Variants in KIAA1217 observed in about 807,000 individuals in gnomAD.
KIAA1217 encodes the protein KIAA1217.
Under a neutral mutation model 163.9 loss-of-function variants are expected in KIAA1217, and 88 were observed. The ratio of observed to expected loss-of-function variants is 0.54; its 90% confidence interval spans 0.45 to 0.64. The LOEUF is 0.64. Ranked by LOEUF, KIAA1217 falls within the 30% of genes least tolerant of loss-of-function variation. KIAA1217 has a pLI of 0.00. For missense variants in KIAA1217, 2,372 were observed against 2,475.0 expected (o/e 0.96, Z 0.88); for synonymous variants, 903 against 923.1 (o/e 0.98, Z 0.39).
intron 2 of KIAA1217, among the ~76,000 whole-genome samples, chr10:24,312,929 C>T (rs920963608): frequency 6.6e-6 from 1 of 152,024 alleles, no homozygotes; most frequent in Non-Finnish European, 1.5e-5. Flanking sequence ...CAAACAAAAC[C>T]CTACATATCT....
intron 1 of KIAA1217, among the ~76,000 whole-genome samples, chr10:23,861,933 T>A (rs1839971630): frequency 6.6e-6 from 1 of 152,228 alleles, no homozygotes; most frequent in South Asian, 2.1e-4. Context: ...AAATTGTGTT[T>A]TTTAAAGCTG....
chr10:24,319,300 C>CA lies in KIAA1217; in HGVS notation c.355-61568dup, dbSNP rs2043812876. Among the ~76,000 whole-genome samples, 3 of 146,360 alleles carry CA rather than the reference C, an allele frequency of 2.0e-5. No individual in the cohort carries two copies. In the South Asian group the frequency reaches 6.4e-4, roughly 31 times the overall value. On this transcript the variant is annotated intron_variant, in intron 2 of 20. Coordinates refer to ENST00000376454, the MANE Select transcript of KIAA1217 (RefSeq NM_019590.5). ...CTGAGGCATGAGAATCCCTTGAACC[C>CA]AGGAGGCAGAGGTTGCAGTGAGCTG...
At chr10:23,941,206 A>T (rs1274343299) in intron 1 of KIAA1217, among the ~76,000 whole-genome samples, 2 of 152,248 alleles carry the variant, frequency 1.3e-5, no homozygotes, top group East Asian at 3.8e-4. Context: ...TATATTTGAA[A>T]TTTTTAAAAT....
chr10:23,908,222 G>A (rs1842257253), intron 1 of KIAA1217, among the ~76,000 whole-genome samples: 1 of 152,100 alleles, frequency 6.6e-6, no homozygotes, highest in South Asian at 2.1e-4. Flanking sequence ...GTCAGGACTG[G>A]GTCATGTAGG....
intron 1 of KIAA1217, among the ~76,000 whole-genome samples, chr10:23,775,935 C>T (rs185377378): frequency 4.6e-5 from 7 of 152,294 alleles, no homozygotes; most frequent in Admixed American, 4.6e-4. Context: ...ACTTCTATAA[C>T]TTCTATAACC....
intron 2 of KIAA1217, among the ~76,000 whole-genome samples, chr10:24,378,068 CTTTA>C (rs908769799): frequency 6.6e-6 from 1 of 152,104 alleles, no homozygotes; most frequent in Non-Finnish European, 1.5e-5. Flanking sequence ...TACAGATTCG[CTTTA>C]TTTTTTTTCT....
At chr10:23,936,803 C>G (rs1362363707) in intron 1 of KIAA1217, among the ~76,000 whole-genome samples, 1 of 152,190 alleles carries the variant, frequency 6.6e-6, no homozygotes, top group Non-Finnish European at 1.5e-5. Context: ...TTTGTTATGG[C>G]AGCCCCAGGA....
chr10:24,257,041 T>C (rs576188671), intron 2 of KIAA1217, among the ~76,000 whole-genome samples: 3 of 152,130 alleles, frequency 2.0e-5, no homozygotes, highest in Admixed American at 6.6e-5. Context: ...AACAAGATGG[T>C]CAGGAAAACA....
intron 3 of KIAA1217, among the ~76,000 whole-genome samples, chr10:24,404,507 C>T (rs576188292): frequency 7.5e-6 from 1 of 132,732 alleles, no homozygotes; most frequent in Non-Finnish European, 1.5e-5. Context: ...GCAGAGGTTG[C>T]AGTGAGCTGA....
At chr10:23,828,186 G>A (rs1837994733) in intron 1 of KIAA1217, among the ~76,000 whole-genome samples, 1 of 152,162 alleles carries the variant, frequency 6.6e-6, no homozygotes, top group Non-Finnish European at 1.5e-5. Flanking sequence ...GCCAAACTCT[G>A]AAAATCTCCC....
chr10:23,949,113 T>A (rs1844201840), intron 1 of KIAA1217, among the ~76,000 whole-genome samples: 1 of 152,200 alleles, frequency 6.6e-6, no homozygotes, highest in Non-Finnish European at 1.5e-5. Context: ...ACCTTTCACC[T>A]TTTAGGGATA....
intron 5 of KIAA1217, among the ~76,000 whole-genome samples, chr10:24,448,439 A>T (rs2061141192): frequency 6.6e-6 from 1 of 152,130 alleles, no homozygotes. Flanking sequence ...CCAGTTTGGA[A>T]TGCAGTGGCA....
intron 13 of KIAA1217, among the ~76,000 whole-genome samples, chr10:24,526,062 C>T (rs981277876): frequency 3.9e-5 from 6 of 152,182 alleles, no homozygotes; most frequent in Non-Finnish European, 8.8e-5. Flanking sequence ...ACCAGTGCTC[C>T]GATAACACAT....
chr10:24,423,541 C>A (rs2058931580), intron 3 of KIAA1217, among the ~76,000 whole-genome samples: 1 of 152,136 alleles, frequency 6.6e-6, no homozygotes, highest in South Asian at 2.1e-4. Flanking sequence ...CTCACTGCAA[C>A]CTCTGCCTCC....
At chr10:24,374,093 G>A (rs530013021) in intron 2 of KIAA1217, among the ~76,000 whole-genome samples, 28 of 152,230 alleles carry the variant, frequency 1.8e-4, no homozygotes, top group African/African-American at 5.1e-4. Context: ...AAATATTAGC[G>A]TTGAAGAAAC....
chr10:24,484,813 T>G (rs1226934544), intron 6 of KIAA1217, among the ~76,000 whole-genome samples: 1 of 152,192 alleles, frequency 6.6e-6, no homozygotes, highest in Non-Finnish European at 1.5e-5. Flanking sequence ...AATTTTTCAT[T>G]GACATAAAAC....
chr10:24,063,665 C>T (rs1191173989), intron 2 of KIAA1217, among the ~76,000 whole-genome samples: 3 of 151,986 alleles, frequency 2.0e-5, no homozygotes, highest in Non-Finnish European at 4.4e-5. Context: ...AGTTTTTTTC[C>T]AATTCTGTGA....
chr10:23,779,229 A>G (rs1323221531), intron 1 of KIAA1217, among the ~76,000 whole-genome samples: 1 of 152,210 alleles, frequency 6.6e-6, no homozygotes. Context: ...CAGGACTCCT[A>G]GAGCTTACAG....
chr10:24,167,178 T>C (rs1164763508), intron 2 of KIAA1217, among the ~76,000 whole-genome samples: 1 of 94,216 alleles, frequency 1.1e-5, no homozygotes, highest in Non-Finnish European at 2.3e-5. Flanking sequence ...CTAGTCTTTG[T>C]TTTAGGTTCT....
Sources: gnomAD v4.1 joint callset for allele counts (sites outside exome capture counted in the v4.1 genomes callset) on GRCh38, gnomAD v4.1.1 for gene constraint, MANE v1.5 for transcripts, NCBI Gene and HGNC (gene_info 2026-07-23, HGNC 2026-07-21) for gene names.